Variants in PDE4D observed in about 807,000 individuals in gnomAD.
PDE4D encodes 3',5'-cyclic-AMP phosphodiesterase 4D.
PDE4D carries 24 observed loss-of-function variants against 87.4 expected under a neutral mutation model. The ratio of observed to expected loss-of-function variants is 0.27; its 90% CI spans 0.20 to 0.39. The LOEUF (loss-of-function observed/expected upper bound fraction) is 0.39, where lower values mean the gene tolerates loss of function less well. Ranked by LOEUF, PDE4D falls within the 10% of genes least tolerant of loss-of-function variation. PDE4D has a pLI of 1.00. For missense variants in PDE4D, 714 were observed against 1,041.0 expected, an observed-to-expected ratio of 0.69 and a Z score of 4.32; for synonymous variants, 384 against 383.2, an observed-to-expected ratio of 1.00 and a Z score of -0.02.
At chr5:59,418,662 T>G (rs1406782286) in intron 1 of PDE4D, among the ~76,000 whole-genome samples, 1 of 151,140 alleles carries the variant, frequency 6.6e-6, no homozygotes, top group Non-Finnish European at 1.5e-5. Flanking sequence ...TTTTTTTGTT[T>G]TTTTGAGACA....
chr5:59,656,043 T>C (rs972497511), intron 1 of PDE4D, among the ~76,000 whole-genome samples: 1 of 152,164 alleles, frequency 6.6e-6, no homozygotes, highest in East Asian at 1.9e-4. Context: ...ACATACTCAA[T>C]TCATGCATAT....
At chr5:59,864,965 C>T (rs1250770283) in intron 1 of PDE4D, among the ~76,000 whole-genome samples, 4 of 152,188 alleles carry the variant, frequency 2.6e-5, no homozygotes, top group African/African-American at 9.6e-5. Flanking sequence ...CAGACAGTCT[C>T]AGTGAGTAGC....
At chr5:60,395,601 A>G (rs1253887252) in intron 1 of PDE4D, among the ~76,000 whole-genome samples, 1 of 152,170 alleles carries the variant, frequency 6.6e-6, no homozygotes, top group Non-Finnish European at 1.5e-5. Flanking sequence ...AGTAAATGTA[A>G]TAAGTAGTGA....
At chr5:60,062,137 G>C (rs1271963386) in intron 2 of PDE4D, among the ~76,000 whole-genome samples, 1 of 151,954 alleles carries the variant, frequency 6.6e-6, no homozygotes, top group Non-Finnish European at 1.5e-5. Context: ...CTACAGAATG[G>C]GAGAACATTT....
intron 1 of PDE4D, among the ~76,000 whole-genome samples, chr5:59,790,997 T>C (rs1048064652): frequency 2.0e-5 from 3 of 152,222 alleles, no homozygotes; most frequent in African/African-American, 7.2e-5. Flanking sequence ...GAGTGCACTG[T>C]TAATTCTCTT....
chr5:59,187,709 AT>A (rs1474437202), intron 3 of PDE4D, among the ~76,000 whole-genome samples: 1 of 152,234 alleles, frequency 6.6e-6, no homozygotes, highest in Non-Finnish European at 1.5e-5. Flanking sequence ...GTTGCAATAA[AT>A]AATCTTGTAG....
chr5:59,716,625 C>G (rs1194599043), intron 1 of PDE4D, among the ~76,000 whole-genome samples: 1 of 152,170 alleles, frequency 6.6e-6, no homozygotes, highest in African/African-American at 2.4e-5. Flanking sequence ...TGAGAACAAG[C>G]AAACATGACA....
chr5:59,557,377 A>T (rs1404223166), intron 1 of PDE4D, among the ~76,000 whole-genome samples: 1 of 152,142 alleles, frequency 6.6e-6, no homozygotes, highest in Non-Finnish European at 1.5e-5. Flanking sequence ...GGTATCACAT[A>T]GTGAGTTTTA....
chr5:60,036,895 T>C (rs1473766288), intron 2 of PDE4D, among the ~76,000 whole-genome samples: 1 of 152,230 alleles, frequency 6.6e-6, no homozygotes, highest in African/African-American at 2.4e-5. Context: ...TTCATAATTT[T>C]GGAAAGGGGT....
intron 1 of PDE4D, chr5:59,430,304 G>A: frequency 1.6e-6 from 2 of 1,231,288 alleles, no homozygotes; most frequent in East Asian, 6.3e-5. Context: ...CGTCTCCTCT[G>A]TGGCTTAATA....
chr5:59,159,057 CA>C (rs1047217649), intron 5 of PDE4D, among the ~76,000 whole-genome samples: 1 of 152,130 alleles, frequency 6.6e-6, no homozygotes, highest in African/African-American at 2.4e-5. Context: ...CAAGGCCCAA[CA>C]AAAATACCAT....
At chr5:59,114,784 C>A (rs959801534) in intron 5 of PDE4D, among the ~76,000 whole-genome samples, 13 of 151,410 alleles carry the variant, frequency 8.6e-5, no homozygotes, top group Non-Finnish European at 1.5e-4. Context: ...TGAAAAATAT[C>A]TACTTGGTTT....
chr5:60,212,375 A>G (rs544016508), intron 1 of PDE4D, among the ~76,000 whole-genome samples: 75 of 152,158 alleles, frequency 4.9e-4, no homozygotes, highest in Non-Finnish European at 8.4e-4. Context: ...ATGGGCATGT[A>G]ACCCAGATTT....
intron 1 of PDE4D, among the ~76,000 whole-genome samples, chr5:59,396,752 T>C (rs1267242349): frequency 4.3e-5 from 5 of 117,348 alleles, no homozygotes; most frequent in Non-Finnish European, 1.8e-5. Context: ...TAAATGTAAA[T>C]GGACTAAATG....
At chr5:60,420,433 C>A (rs1742988021) in intron 1 of PDE4D, among the ~76,000 whole-genome samples, 1 of 152,150 alleles carries the variant, frequency 6.6e-6, no homozygotes, top group Admixed American at 6.5e-5. Context: ...TAAACATGTT[C>A]AACGTGATCA....
chr5:59,771,232 T>C (rs1209519025), intron 1 of PDE4D, among the ~76,000 whole-genome samples: 1 of 151,454 alleles, frequency 6.6e-6, no homozygotes, highest in African/African-American at 2.4e-5. Context: ...ATAGGATAGA[T>C]GACAAGTGCA....
intron 5 of PDE4D, among the ~76,000 whole-genome samples, chr5:59,074,133 C>T (rs1449921421): frequency 1.3e-5 from 2 of 152,132 alleles, no homozygotes; most frequent in Non-Finnish European, 2.9e-5. Context: ...AATTCTGTCA[C>T]ACATAATTCA....
At position 58,975,855 on chromosome 5, in the gene PDE4D, GC is replaced by G; in HGVS notation, c.1831-17del. The G allele has an allele frequency of 7.1e-7, 1 of 1,413,964 alleles. No individual in the cohort carries two copies. The highest frequency in any genetic ancestry group is 2.6e-5 in the East Asian group (1 of 38,410). The allele number at this position is 1,413,964 out of a possible 1,614,324, so 87.6% of individuals were successfully genotyped here. On this transcript the variant is annotated splice_polypyrimidine_tract_variant and intron_variant, in intron 13 of 14. Coordinates refer to ENST00000340635, the MANE Select transcript of PDE4D (RefSeq NM_001104631.2). The surrounding 1 kb of genome is among the most constrained non-coding windows in gnomAD (Gnocchi z 4.2). ...TCTGAAGAACCTAAAATAGATGGAT[GC>G]ATTCTCTATTCACTCCTGTTCCTTT...
intron 5 of PDE4D, among the ~76,000 whole-genome samples, chr5:59,114,436 G>T (rs2153441163): frequency 6.6e-6 from 1 of 152,262 alleles, no homozygotes; most frequent in Middle Eastern, 3.4e-3. Context: ...TTTGGTTTTG[G>T]ATATGAAGAA....
Sources: gnomAD v4.1 joint callset for allele counts (sites outside exome capture counted in the v4.1 genomes callset) on GRCh38, gnomAD v4.1.1 for gene constraint, Gnocchi (gnomAD v3.1) non-coding constraint, MANE v1.5 for transcripts, NCBI Gene and HGNC (gene_info 2026-07-23, HGNC 2026-07-21) for gene names.